ABTB2: variants seen among roughly 807,000 people sequenced by gnomAD.
ABTB2 encodes the protein ankyrin repeat and BTB/POZ domain-containing protein 2.
Under a neutral mutation model 104.1 loss-of-function variants are expected in ABTB2, and 56 were observed. The ratio of observed to expected loss-of-function variants is 0.54; its 90% CI spans 0.43 to 0.67. The LOEUF (loss-of-function observed/expected upper bound fraction) is 0.67, where lower values mean the gene tolerates loss of function less well. Ranked by LOEUF, ABTB2 falls within the 30% of genes least tolerant of loss-of-function variation. The pLI, the probability that ABTB2 is intolerant of heterozygous loss-of-function variation, is 0.00. For missense variants in ABTB2, 1,279 were observed against 1,407.7 expected (o/e 0.91, Z 1.46); for synonymous variants, 606 against 608.2 (o/e 1.00, Z 0.05).
intron 1 of ABTB2, among the ~76,000 whole-genome samples, chr11:34,283,044 T>G (rs1238021914): frequency 6.7e-6 from 1 of 148,568 alleles, no homozygotes; most frequent in Non-Finnish European, 1.5e-5. Flanking sequence ...AAGTAGCTGG[T>G]ACTACAGGCG....
At chr11:34,303,438 A>G (rs1854731650) in intron 1 of ABTB2, among the ~76,000 whole-genome samples, 1 of 152,224 alleles carries the variant, frequency 6.6e-6, no homozygotes, top group Non-Finnish European at 1.5e-5. Flanking sequence ...ATTGCAAGGA[A>G]TACAAGAGCA....
chr11:34,249,195 C>T (rs1391382278), intron 1 of ABTB2, among the ~76,000 whole-genome samples: 1 of 152,228 alleles, frequency 6.6e-6, no homozygotes, highest in African/African-American at 2.4e-5. Flanking sequence ...CTTGCACCCT[C>T]GTGAATGCGC....
At chr11:34,314,078 G>C (rs943249952) in intron 1 of ABTB2, among the ~76,000 whole-genome samples, 1 of 152,208 alleles carries the variant, frequency 6.6e-6, no homozygotes, top group African/African-American at 2.4e-5. Flanking sequence ...CAACAGCAAA[G>C]GAGAGGGGCT....
At chr11:34,334,507 C>T (rs577934519) in intron 1 of ABTB2, among the ~76,000 whole-genome samples, 170 of 152,164 alleles carry the variant, frequency 1.1e-3, no homozygotes, top group Admixed American at 4.5e-3. Flanking sequence ...ACCTCAGGTG[C>T]ACAAATTGGA....
chr11:34,348,625 A>T (rs1244293676), intron 1 of ABTB2, among the ~76,000 whole-genome samples: 3 of 152,136 alleles, frequency 2.0e-5, no homozygotes, highest in Admixed American at 2.0e-4. Flanking sequence ...CCTTCCACCC[A>T]GACAGCCAGG....
At chr11:34,253,968 G>A (rs1026908157) in intron 1 of ABTB2, among the ~76,000 whole-genome samples, 1 of 152,166 alleles carries the variant, frequency 6.6e-6, no homozygotes, top group Non-Finnish European at 1.5e-5. Flanking sequence ...GGTGGACCGT[G>A]AGAGCACTGG....
chr11:34,190,742 TGTA>T (rs1478298726), intron 3 of ABTB2, among the ~76,000 whole-genome samples: 7 of 152,244 alleles, frequency 4.6e-5, no homozygotes, highest in South Asian at 2.1e-4. Flanking sequence ...TATTAATAAC[TGTA>T]GTAGTAGTAG....
intron 1 of ABTB2, among the ~76,000 whole-genome samples, chr11:34,336,700 C>T (rs11607456): frequency 0.095 from 14,440 of 152,036 alleles, 886 homozygotes; most frequent in Non-Finnish European, 0.14. Flanking sequence ...CAGTTAGACC[C>T]GGGTTTGTTT....
chr11:34,329,369 C>G (rs150253432), intron 1 of ABTB2, among the ~76,000 whole-genome samples: 1 of 152,192 alleles, frequency 6.6e-6, no homozygotes, highest in African/African-American at 2.4e-5. Context: ...CATCCCACTT[C>G]CCACTCCACC....
At chr11:34,282,071 G>A (rs995951118) in intron 1 of ABTB2, among the ~76,000 whole-genome samples, 2 of 152,168 alleles carry the variant, frequency 1.3e-5, no homozygotes, top group Non-Finnish European at 2.9e-5. Flanking sequence ...CTGGAGACTG[G>A]GAAGTACAAG....
chr11:34,277,799 CTTTTTT>C (rs1163442976), intron 1 of ABTB2, among the ~76,000 whole-genome samples: 1 of 120,724 alleles, frequency 8.3e-6, no homozygotes, highest in Admixed American at 8.4e-5. Context: ...AACAGATTCT[CTTTTTT>C]TTTTTTTTTT....
At chr11:34,182,340 G>T (rs758858808) in intron 3 of ABTB2, among the ~76,000 whole-genome samples, 1 of 152,126 alleles carries the variant, frequency 6.6e-6, no homozygotes, top group Non-Finnish European at 1.5e-5. Context: ...GAATGGTTTG[G>T]CATGGCTTGG....
intron 1 of ABTB2, among the ~76,000 whole-genome samples, chr11:34,250,535 C>T (rs1314976679): frequency 6.6e-6 from 1 of 152,176 alleles, no homozygotes; most frequent in Non-Finnish European, 1.5e-5. Context: ...CCAACTGCAA[C>T]AATTTTTCAA....
intron 1 of ABTB2, among the ~76,000 whole-genome samples, chr11:34,230,359 T>C (rs1443214442): frequency 2.6e-5 from 4 of 152,138 alleles, no homozygotes; most frequent in African/African-American, 9.7e-5. Context: ...GTACCTGGGT[T>C]TGAATGAGGG....
At chr11:34,336,628 G>C (rs1564935532) in intron 1 of ABTB2, among the ~76,000 whole-genome samples, 3 of 151,988 alleles carry the variant, frequency 2.0e-5, no homozygotes, top group Admixed American at 6.6e-5. Flanking sequence ...AGGTGACAGA[G>C]GGAGGCCCTG....
intron 2 of ABTB2, among the ~76,000 whole-genome samples, chr11:34,202,249 T>C (rs1853351420): frequency 6.6e-6 from 1 of 152,174 alleles, no homozygotes; most frequent in African/African-American, 2.4e-5. Context: ...AGGTGCCATT[T>C]GGGCAGAGGC....
chr11:34,177,410 C>T (rs751804379), intron 3 of ABTB2, among the ~76,000 whole-genome samples: 1 of 152,224 alleles, frequency 6.6e-6, no homozygotes, highest in Non-Finnish European at 1.5e-5. Flanking sequence ...CTGCATTTCC[C>T]AGTCTCCTTT....
intron 1 of ABTB2, among the ~76,000 whole-genome samples, chr11:34,274,021 G>A (rs917323222): frequency 2.0e-5 from 3 of 150,322 alleles, no homozygotes; most frequent in Non-Finnish European, 3.0e-5. Context: ...GCACGGTGGC[G>A]GGCGCCTGTA....
At chr11:34,298,837 CA>C (rs1216025120) in intron 1 of ABTB2, among the ~76,000 whole-genome samples, 2 of 152,170 alleles carry the variant, frequency 1.3e-5, no homozygotes, top group African/African-American at 2.4e-5. Context: ...GACACAAAAG[CA>C]AAAGAGTTCA....
Sources: gnomAD v4.1 joint callset for allele counts (sites outside exome capture counted in the v4.1 genomes callset) on GRCh38, gnomAD v4.1.1 for gene constraint, MANE v1.5 for transcripts, NCBI Gene and HGNC (gene_info 2026-07-23, HGNC 2026-07-21) for gene names.